The following FHIP2A variants were observed in gnomAD, a reference collection of about 807,000 sequenced individuals.
The protein encoded by FHIP2A is FHF complex subunit HOOK interacting protein 2A.
Under a neutral mutation model 93.5 loss-of-function variants are expected in FHIP2A, and 46 were observed. The ratio of observed to expected loss-of-function variants is 0.49; its 90% CI spans 0.39 to 0.63. The LOEUF (loss-of-function observed/expected upper bound fraction) is 0.63. FHIP2A is among the 20% of genes least tolerant of loss of function. The probability of loss-of-function intolerance (pLI) is 0.00; values close to 1 mark genes in which losing one functional copy is unlikely to be tolerated. For missense variants in FHIP2A, 769 were observed against 909.7 expected (o/e 0.85, Z 1.99); for synonymous variants, 332 against 326.5 (o/e 1.02, Z -0.18).
chr10:114,875,056 G>A (rs960522094), intron 16 of FHIP2A, among the ~76,000 whole-genome samples: 7 of 152,162 alleles, frequency 4.6e-5, no homozygotes, highest in Admixed American at 6.5e-5. Context: ...TCCTGTTTCC[G>A]AAGCTTGCTT....
intron 11 of FHIP2A, 91 bp from the exon 12 acceptor site, chr10:114,846,999 A>G: frequency 8.4e-7 from 1 of 1,189,180 alleles, no homozygotes; most frequent in Non-Finnish European, 1.2e-6. Context: ...AAAATTATGT[A>G]ACATTTTCTA....
rs747518380 is a variant in FHIP2A at position 114,863,283 on chromosome 10, C to T, written c.*1743C>T. 1.9e-5 allele frequency: 19 copies of T among 982,770 alleles called. No homozygotes were observed. The highest frequency in any genetic ancestry group is 1.8e-4 in the Admixed American group (3 of 16,240). The allele number at this position is 982,770 out of a possible 1,614,324, so 60.9% of individuals were successfully genotyped here. A position where few individuals can be genotyped will look rare whatever the true frequency, so the allele number is the denominator to read the frequency against. ...TAATCACTTCATACAAGGAAAACTT[C>T]GACATTTACATTTCTAGATGTAGTA... On this transcript the variant is annotated 3_prime_UTR_variant, in exon 17 of 17. Coordinates refer to ENST00000369248, the MANE Select transcript of FHIP2A (RefSeq NM_020940.4).
chr10:114,825,406 A>G (rs907781950), intron 1 of FHIP2A, among the ~76,000 whole-genome samples: 47 of 152,326 alleles, frequency 3.1e-4, no homozygotes, highest in African/African-American at 1.0e-3. Flanking sequence ...TGTTTAATTA[A>G]TGGTTTCTCC....
chr10:114,869,058 T>C (rs1410395341), downstream of FHIP2A, among the ~76,000 whole-genome samples: 1 of 152,210 alleles, frequency 6.6e-6, no homozygotes, highest in African/African-American at 2.4e-5. Context: ...CTGTGATTTA[T>C]GAGTAAGGAA....
At chr10:114,894,495 G>A (rs1352768936) in intron 16 of FHIP2A, among the ~76,000 whole-genome samples, 2 of 152,196 alleles carry the variant, frequency 1.3e-5, no homozygotes, top group Admixed American at 6.5e-5. Context: ...CTGAGTCCGG[G>A]GACGTCAAGG....
chr10:114,840,635 G>A (rs186166413), intron 5 of FHIP2A, among the ~76,000 whole-genome samples: 138 of 152,296 alleles, frequency 9.1e-4, no homozygotes, highest in Non-Finnish European at 7.6e-4. Flanking sequence ...AATGAAATGC[G>A]TAACTTCAGA....
chr10:114,842,235 T>G (rs1255112520), intron 5 of FHIP2A, among the ~76,000 whole-genome samples: 5 of 152,072 alleles, frequency 3.3e-5, no homozygotes, highest in Non-Finnish European at 7.4e-5. Context: ...TTATTTTATT[T>G]TATTTTTTTA....
At chr10:114,899,105 G>A (rs1428259066) in intron 16 of FHIP2A, among the ~76,000 whole-genome samples, 3 of 152,184 alleles carry the variant, frequency 2.0e-5, no homozygotes, top group Non-Finnish European at 4.4e-5. Context: ...GTAGACCAGT[G>A]GGGTGCAGCT....
rs1004063471 is a variant in FHIP2A, at chr10:114,833,317, G to A, written c.209G>A (p.Arg70Gln). 3.1e-6 allele frequency: 5 copies of A among 1,613,568 alleles called. No homozygotes were observed. The highest frequency in any genetic ancestry group is 1.6e-4 in the Middle Eastern group (1 of 6,082). Residue 70 changes from arginine to glutamine, a missense_variant, in exon 3 of 17, where the codon CGG (arginine) becomes CAG (glutamine). By Grantham distance (43) the Arg-to-Gln change is conservative. Transcript: ENST00000369248. ...ATACTGGTTCAAGAAGAAAATGAAC[G>A]GGAATCTGGAGAGACAGGGCCATGT... ...LDILVQEENE[R>Q]ESGETGPCME...
At chr10:114,897,850 A>G (rs1219238254) in intron 16 of FHIP2A, among the ~76,000 whole-genome samples, 1 of 152,232 alleles carries the variant, frequency 6.6e-6, no homozygotes, top group Non-Finnish European at 1.5e-5. Context: ...TCAAATCTGC[A>G]GTGAGCCATG....
At chr10:114,832,710 ATT>A (rs35892795) in intron 2 of FHIP2A, among the ~76,000 whole-genome samples, 213 of 125,190 alleles carry the variant, frequency 1.7e-3, no homozygotes, top group Middle Eastern at 4.1e-3. Flanking sequence ...TATATTTGAG[ATT>A]TTTTTTTTTT....
chr10:114,855,373 T>A (rs749235153), intron 14 of FHIP2A, 33 bp downstream of exon 14: 2 of 1,576,896 alleles, frequency 1.3e-6, no homozygotes, highest in African/African-American at 2.7e-5. Context: ...TTTTCATATT[T>A]TTTTTTGCCA....
downstream of FHIP2A, among the ~76,000 whole-genome samples, chr10:114,868,332 A>G (rs757923025): frequency 6.6e-6 from 1 of 152,060 alleles, no homozygotes; most frequent in Non-Finnish European, 1.5e-5. Flanking sequence ...CACCAACCCT[A>G]CTGTGAACTT....
At chr10:114,822,930 T>C (rs567788490) in intron 1 of FHIP2A, among the ~76,000 whole-genome samples, 1 of 152,338 alleles carries the variant, frequency 6.6e-6, no homozygotes, top group African/African-American at 2.4e-5. Context: ...CCTAGTAGAC[T>C]AATAAGTGAA....
intron 16 of FHIP2A, among the ~76,000 whole-genome samples, chr10:114,890,443 G>A (rs886467112): frequency 9.4e-5 from 14 of 148,464 alleles, no homozygotes; most frequent in African/African-American, 3.0e-4. Flanking sequence ...GTGTGTGTGT[G>A]TATACACACA....
intron 5 of FHIP2A, among the ~76,000 whole-genome samples, chr10:114,839,881 CAA>C (rs10612399): frequency 0.41 from 38,364 of 94,686 alleles, 3,977 homozygotes; most frequent in South Asian, 0.48. Flanking sequence ...GACTCTGTCT[CAA>C]AAAAAAAAAA....
At chr10:114,886,887 T>C (rs1214692523) in intron 16 of FHIP2A, among the ~76,000 whole-genome samples, 1 of 152,096 alleles carries the variant, frequency 6.6e-6, no homozygotes, top group Admixed American at 6.6e-5. Flanking sequence ...GCCTCCCAAG[T>C]AGCTGGGATT....
intron 2 of FHIP2A, among the ~76,000 whole-genome samples, chr10:114,831,501 G>A (rs150063997): frequency 6.6e-4 from 100 of 152,322 alleles, no homozygotes; most frequent in African/African-American, 2.3e-3. Flanking sequence ...GGAAGCCAGT[G>A]TGGATAGAGC....
intron 2 of FHIP2A, among the ~76,000 whole-genome samples, 163 bp from the exon 3 acceptor site, chr10:114,833,070 A>G (rs2083616749): frequency 1.3e-5 from 2 of 152,178 alleles, no homozygotes; most frequent in Non-Finnish European, 2.9e-5. Flanking sequence ...TGCATCATCT[A>G]AATTCTAGCA....
Sources: gnomAD v4.1 joint callset for allele counts (sites outside exome capture counted in the v4.1 genomes callset) on GRCh38, gnomAD v4.1.1 for gene constraint, MANE v1.5 for transcripts, NCBI Gene and HGNC (gene_info 2026-07-23, HGNC 2026-07-21) for gene names.